CEP135: variants seen among roughly 807,000 people sequenced by gnomAD.
The protein encoded by CEP135 is centrosomal protein of 135 kDa.
CEP135 carries 142 observed loss-of-function variants against 157.3 expected under a neutral mutation model. The ratio of observed to expected loss-of-function variants is 0.90; its 90% confidence interval spans 0.79 to 1.04. The LOEUF is 1.04. Ranked by LOEUF, CEP135 falls within the 50% of genes least tolerant of loss-of-function variation. The probability of loss-of-function intolerance (pLI) is 0.00; values close to 1 mark genes in which losing one functional copy is unlikely to be tolerated. For missense variants in CEP135, 1,317 were observed against 1,309.2 expected, an observed-to-expected ratio of 1.01 and a Z score of -0.09; for synonymous variants, 396 against 439.8, an observed-to-expected ratio of 0.90 and a Z score of 1.25.
At chr4:56,018,286 G>A (rs1730851460) in intron 22 of CEP135, among the ~76,000 whole-genome samples, 1 of 152,172 alleles carries the variant, frequency 6.6e-6, no homozygotes, top group South Asian at 2.1e-4. Context: ...GCCTACAATA[G>A]TTACTTTTGA....
chr4:55,964,309 A>T lies in CEP135; in HGVS notation c.735A>T (p.Ser245=). The T allele has an allele frequency of 6.2e-7, 1 of 1,613,130 alleles. No individual in the cohort carries two copies. Among genetic ancestry groups the T allele is most frequent in the Non-Finnish European group, 8.5e-7 (1 of 1,179,624 alleles). ...ELREREIERL[S]VALDGGRSPD... is the part of the protein sequence containing the mutation. Reference sequence around the variant, plus strand: ...GAGAACGAGAGATAGAACGACTGTCAGTTGCTTTGGATGGTGGTCGGTCCC... The same window carrying T: ...GAGAACGAGAGATAGAACGACTGTCTGTTGCTTTGGATGGTGGTCGGTCCC... The change falls in exon 7 of 26, where the codon TCA becomes TCT. Residue 245 remains serine (S), a synonymous_variant. Transcript: ENST00000257287.
chr4:56,017,914 T>G (rs1376604632), intron 22 of CEP135, 57 bp downstream of exon 22: 18 of 1,430,594 alleles, frequency 1.3e-5, no homozygotes, highest in Non-Finnish European at 1.7e-5. Flanking sequence ...TCTAATTATT[T>G]TACTTTAGTA....
intron 14 of CEP135, among the ~76,000 whole-genome samples, chr4:55,990,761 G>A (rs905761207): frequency 5.3e-5 from 8 of 152,136 alleles, no homozygotes; most frequent in African/African-American, 1.7e-4. Flanking sequence ...GCCTCAAGTG[G>A]TCCTCTTGCA....
chr4:55,994,830 C>T (rs1251264157), intron 15 of CEP135, among the ~76,000 whole-genome samples: 2 of 151,828 alleles, frequency 1.3e-5, no homozygotes, highest in African/African-American at 2.4e-5. Flanking sequence ...GGATTACAGG[C>T]GCCTGCCACC....
At chr4:55,961,508 T>C (rs1297818405) in intron 6 of CEP135, among the ~76,000 whole-genome samples, 1 of 152,098 alleles carries the variant, frequency 6.6e-6, no homozygotes, top group African/African-American at 2.4e-5. Flanking sequence ...CTCACACCTG[T>C]AATCCCAGCA....
At chr4:55,992,206 A>G (rs1020517396) in intron 15 of CEP135, 121 bp downstream of exon 15, 4 of 855,386 alleles carry the variant, frequency 4.7e-6, no homozygotes, top group Non-Finnish European at 7.0e-6. Flanking sequence ...TTGGCTTTGC[A>G]GTAGACTCAC....
chr4:56,030,959 A>G (rs562752757), intron 25 of CEP135, among the ~76,000 whole-genome samples: 86 of 152,182 alleles, frequency 5.7e-4, no homozygotes, highest in African/African-American at 2.0e-3. Context: ...CCTAAACAAC[A>G]TCGTAAGACC....
intron 14 of CEP135, among the ~76,000 whole-genome samples, chr4:55,985,726 G>C (rs933933797): frequency 2.6e-5 from 4 of 152,162 alleles, no homozygotes; most frequent in Non-Finnish European, 5.9e-5. Context: ...CTCCCAAAGT[G>C]CTGGGATTAC....
chr4:55,951,380 A>G (rs2109636970), intron 1 of CEP135, among the ~76,000 whole-genome samples: 1 of 152,312 alleles, frequency 6.6e-6, no homozygotes, highest in South Asian at 2.1e-4. Flanking sequence ...CAGTTGCTCC[A>G]GATCTTTGTC....
At chr4:56,007,341 G>A (rs1272295848) in intron 17 of CEP135, among the ~76,000 whole-genome samples, 1 of 152,246 alleles carries the variant, frequency 6.6e-6, no homozygotes, top group Non-Finnish European at 1.5e-5. Context: ...TTTAGTGAAT[G>A]CTCAGACCCC....
chr4:56,017,781 A>G lies in CEP135; in HGVS notation c.2936A>G (p.Glu979Gly). Residue 979 changes from glutamate (E) to glycine (G), a missense_variant, in exon 22 of 26, where the codon GAA becomes GGA. Glu to Gly is a moderately conservative substitution (Grantham distance 98, BLOSUM62 -2). Coordinates refer to ENST00000257287, the MANE Select transcript of CEP135 (RefSeq NM_025009.5). ...TVLNDLSSLRELCIKLDSGKD... is the reference protein window; with the variant it reads ...TVLNDLSSLRGLCIKLDSGKD... ...TTAAATGACTTGTCATCTCTTAGAG[A>G]ACTTTGCATTAAACTTGATTCAGGC... The G allele has an allele frequency of 6.2e-7, 1 of 1,613,906 alleles. No homozygotes were observed. The highest frequency in any genetic ancestry group is 1.7e-4 in the Middle Eastern group (1 of 5,934).
intron 4 of CEP135, among the ~76,000 whole-genome samples, chr4:55,956,354 C>G (rs1361074848): frequency 6.6e-6 from 1 of 152,004 alleles, no homozygotes; most frequent in African/African-American, 2.4e-5. Flanking sequence ...TATTTTTGAC[C>G]AAGACAAGAT....
intron 6 of CEP135, chr4:55,960,037 GAT>G: frequency 1.8e-6 from 1 of 545,660 alleles, no homozygotes; most frequent in Non-Finnish European, 3.2e-6. Context: ...AGGATTAATG[GAT>G]TGAAGAGCAC....
chr4:55,968,949 A>G, intron 8 of CEP135, 114 bp from the exon 9 acceptor site: 2 of 667,948 alleles, frequency 3.0e-6, no homozygotes, highest in South Asian at 2.3e-5. Context: ...AAAGCCTCAG[A>G]TCTCACTGGT....
intron 7 of CEP135, 77 bp downstream of exon 7, chr4:55,964,479 A>G (rs984138504): frequency 6.8e-6 from 8 of 1,184,982 alleles, no homozygotes; most frequent in South Asian, 4.4e-5. Context: ...ATAATGGTCT[A>G]TGGGTTTGTA....
chr4:55,995,771 T>C (rs1729949221), intron 15 of CEP135, among the ~76,000 whole-genome samples: 1 of 152,180 alleles, frequency 6.6e-6, no homozygotes, highest in Non-Finnish European at 1.5e-5. Flanking sequence ...GGAAAAATTG[T>C]TTCCAGCCCA....
chr4:56,003,691 G>C (rs1052039339), intron 17 of CEP135, among the ~76,000 whole-genome samples: 3 of 151,704 alleles, frequency 2.0e-5, no homozygotes, highest in African/African-American at 4.8e-5. Context: ...ATCATCACTA[G>C]GTTGTTTATT....
intron 1 of CEP135, among the ~76,000 whole-genome samples, chr4:55,951,307 A>T (rs1016131006): frequency 1.3e-5 from 2 of 152,168 alleles, no homozygotes; most frequent in African/African-American, 4.8e-5. Flanking sequence ...TTAACTTTAT[A>T]AAAAAACTGC....
intron 2 of CEP135, 121 bp downstream of exon 2, chr4:55,952,364 G>C (rs771070438): frequency 1.2e-4 from 75 of 636,156 alleles, no homozygotes; most frequent in Non-Finnish European, 1.9e-4. Flanking sequence ...CAATCATGAA[G>C]CTTATCTGTT....
Sources: gnomAD v4.1 joint callset for allele counts (sites outside exome capture counted in the v4.1 genomes callset) on GRCh38, gnomAD v4.1.1 for gene constraint, MANE v1.5 for transcripts, NCBI Gene and HGNC (gene_info 2026-07-23, HGNC 2026-07-21) for gene names.